The following ZZEF1 variants were observed in gnomAD, a reference collection of about 807,000 sequenced individuals.
ZZEF1 encodes the protein zinc finger ZZ-type and EF-hand domain-containing protein 1.
A neutral mutation model predicts 342.8 loss-of-function variants in ZZEF1; 157 were observed. The observed-to-expected ratio is 0.46, with a 90% CI of 0.40 to 0.52. The LOEUF (loss-of-function observed/expected upper bound fraction) is 0.52. Ranked by LOEUF, ZZEF1 falls within the 20% of genes least tolerant of loss-of-function variation. The pLI is 0.00. For synonymous variants in ZZEF1, 1,505 were observed against 1,429.1 expected, an observed-to-expected ratio of 1.05 and a Z score of -1.20; for missense variants, 3,480 against 3,725.6, an observed-to-expected ratio of 0.93 and a Z score of 1.72.
intron 52 of ZZEF1, 30 bp downstream of exon 52, chr17:4,013,419 C>A: frequency 6.5e-7 from 1 of 1,549,556 alleles, no homozygotes; most frequent in Admixed American, 1.9e-5. Context: ...ATATGCCTGG[C>A]AAAGGGCTGC....
chr17:4,087,888 G>A (rs2145368028), intron 13 of ZZEF1, among the ~76,000 whole-genome samples: 1 of 151,394 alleles, frequency 6.6e-6, no homozygotes, highest in East Asian at 1.9e-4. Context: ...GATGATCACT[G>A]TCCAGGACTG....
chr17:4,015,411 A>G (rs2056073131), intron 49 of ZZEF1, among the ~76,000 whole-genome samples: 1 of 152,192 alleles, frequency 6.6e-6, no homozygotes, highest in Admixed American at 6.5e-5. Flanking sequence ...GGTGCCTTCC[A>G]CTCAGAAGTA....
At chr17:4,056,845 T>A (rs989122915) in intron 32 of ZZEF1, 2 of 152,126 alleles carry the variant, frequency 1.3e-5, no homozygotes, top group Non-Finnish European at 2.9e-5. Flanking sequence ...TCAGACGAGA[T>A]CAGGTGCATT....
intron 34 of ZZEF1, among the ~76,000 whole-genome samples, chr17:4,053,732 T>C (rs1485648350): frequency 1.3e-5 from 2 of 152,254 alleles, no homozygotes; most frequent in African/African-American, 4.8e-5. Context: ...TGTGTGCGTG[T>C]GTATTTTGCT....
rs150732145 is a variant in ZZEF1 at position 4,064,503 on chromosome 17, G to A, written c.4576C>T (p.Pro1526Ser). The A allele has an allele frequency of 1.5e-4, 245 of 1,614,086 alleles. 2 individuals carry two copies. The highest frequency in any genetic ancestry group is 2.5e-5 in the Non-Finnish European group (30 of 1,180,052). ...PLSPSTPTRR[P>S]PFTRGRLRLL... ...CGGAGTCGCCCTCGGGTGAAGGGAG[G>A]CCGGCGGGTGGGTGTGGAAGGTGAC... Residue 1526 changes from proline (P) to serine (S), a missense_variant, in exon 29 of 55, where the codon CCT becomes TCT. Physicochemically the swap from Pro to Ser is moderately conservative, Grantham distance 74. This residue lies in a region of ZZEF1 where 1,528 missense variants were observed against 1,624.1 expected (regional missense o/e 0.94). Transcript: ENST00000381638.
Position 4,140,828 on chromosome 17 carries a change from A to T in ZZEF1, c.354+1714T>A, listed in dbSNP as rs78101661. ...TCCCACTACTACTTCATATTCTCAT[A>T]ATACGCGTAGATACTAGAAAGAAGG... On this transcript the variant is annotated intron_variant, in intron 1 of 54. Transcript: ENST00000381638. Among the ~76,000 whole-genome samples the T allele has an allele frequency of 8.0e-3, 1,218 of 152,228 alleles. 14 individuals carry two copies. Among genetic ancestry groups the T allele is most frequent in the African/African-American group, 0.028 (1,161 of 41,526 alleles).
intron 36 of ZZEF1, among the ~76,000 whole-genome samples, chr17:4,050,201 G>A (rs948732575): frequency 2.3e-4 from 35 of 152,184 alleles, no homozygotes; most frequent in Non-Finnish European, 4.3e-4. Flanking sequence ...TGGCAAACTG[G>A]TATGGGAACT....
intron 21 of ZZEF1, chr17:4,076,424 C>A: frequency 2.1e-6 from 1 of 469,804 alleles, no homozygotes; most frequent in Non-Finnish European, 3.6e-6. Flanking sequence ...TGAGCCACTG[C>A]GCCCGGCCTC....
In ZZEF1 at chr17:4,064,653, G is replaced by A; in HGVS notation, c.4426C>T (p.Pro1476Ser). The A allele has an allele frequency of 6.2e-7, 1 of 1,614,204 alleles. No homozygotes were observed. The highest frequency in any genetic ancestry group is 8.5e-7 in the Non-Finnish European group (1 of 1,180,026). The change falls in exon 29 of 55, where the codon CCC becomes TCC. Residue 1476 changes from proline (P) to serine (S), a missense_variant. Pro to Ser is a moderately conservative substitution (Grantham distance 74, BLOSUM62 -1). Around this residue, in one of 5 missense-constraint regions of ZZEF1, gnomAD observed 1,528 missense variants for 1,624.1 expected, o/e 0.94. Transcript: ENST00000381638. The part of the protein sequence containing the change: ...VEEHFQASVS[P>S]TEAAPPATGD... ...GTGGCAGGGGGTGCGGCTTCAGTGG[G>A]AGATACTGAGGCTTGGAAATGCTCT... is the stretch of plus-strand genomic sequence containing the variant.
At chr17:4,076,474 G>T in intron 21 of ZZEF1, 163 bp downstream of exon 21, 3 of 889,362 alleles carry the variant, frequency 3.4e-6, no homozygotes, top group Non-Finnish European at 3.3e-6. Flanking sequence ...ACATCGACTT[G>T]GACTGACATT....
At chr17:4,125,893 T>G (rs1231087221) in intron 1 of ZZEF1, among the ~76,000 whole-genome samples, 1 of 152,136 alleles carries the variant, frequency 6.6e-6, no homozygotes, top group Non-Finnish European at 1.5e-5. Flanking sequence ...AGGGAAATGC[T>G]CATGATAAAA....
rs1262987144 is a variant in ZZEF1, at chr17:4,006,376, G to A, written c.*514C>T. 4.6e-6 allele frequency: 1 copy of A among 216,290 alleles called. No homozygotes were observed. The highest frequency in any genetic ancestry group is 9.4e-6 in the Non-Finnish European group (1 of 106,692). 13.4% of individuals were successfully genotyped at this position (216,290 alleles called of 1,614,324 possible). On this transcript the variant is annotated 3_prime_UTR_variant, in exon 55 of 55. Coordinates refer to ENST00000381638, the MANE Select transcript of ZZEF1 (RefSeq NM_015113.4). The stretch of plus-strand genomic sequence containing the variant: ...TGCCTGGTTCTGTACTGGATGCTTG[G>A]GGATCACTGGTGGCTAGGAGGGGCT...
intron 40 of ZZEF1, 152 bp from the exon 41 acceptor site, chr17:4,033,154 G>T (rs1417473662): frequency 4.3e-6 from 3 of 705,756 alleles, no homozygotes; most frequent in African/African-American, 3.6e-5. Flanking sequence ...TCGTATAATG[G>T]TGAGTAAAAG....
chr17:4,013,675 TTAAA>T (rs935310615), intron 51 of ZZEF1, 61 bp from the exon 52 acceptor site: 100 of 1,452,708 alleles, frequency 6.9e-5, no homozygotes, highest in Middle Eastern at 1.8e-4. Flanking sequence ...AATATTATTA[TTAAA>T]TAAAGTATAA....
intron 21 of ZZEF1, 111 bp downstream of exon 21, chr17:4,076,526 T>C: frequency 7.2e-7 from 1 of 1,395,582 alleles, no homozygotes. Context: ...AAGGGAGCCT[T>C]CTAGAGGCTG....
At chr17:4,109,532 G>C in intron 6 of ZZEF1, 121 bp downstream of exon 6, 1 of 1,021,830 alleles carries the variant, frequency 9.8e-7, no homozygotes, top group South Asian at 1.5e-5. Context: ...TAGGGCACCT[G>C]AGGCCGAGCT....
At chr17:4,108,464 G>GA (rs1227189773) in intron 6 of ZZEF1, among the ~76,000 whole-genome samples, 1 of 152,224 alleles carries the variant, frequency 6.6e-6, no homozygotes, top group Non-Finnish European at 1.5e-5. Flanking sequence ...CAGAATGAAG[G>GA]AAACTAAAGA....
chr17:4,050,883 C>T lies in ZZEF1; in HGVS notation c.5761G>A (p.Gly1921Arg), dbSNP rs1425198676. 2.5e-6 allele frequency: 4 copies of T among 1,614,228 alleles called. No homozygotes were observed. The highest frequency in any genetic ancestry group is 3.4e-6 in the Non-Finnish European group (4 of 1,180,050). The change falls in exon 36 of 55, where the codon GGG (glycine) becomes AGG (arginine). Residue 1921 changes from glycine to arginine, a missense_variant. By Grantham distance (125) the Gly-to-Arg change is moderately radical (BLOSUM62 -2). Transcript: ENST00000381638. ...AHLASAEDVD[G>R]EKLDPQTRSS... ...CGCGTCTGGGGGTCCAGCTTCTCCC[C>T]ATCCACATCCTCTGCACTGGCCAGG...
intron 2 of ZZEF1, among the ~76,000 whole-genome samples, chr17:4,119,259 A>T (rs1418438640): frequency 6.6e-6 from 1 of 152,208 alleles, no homozygotes; most frequent in African/African-American, 2.4e-5. Flanking sequence ...TCCAATATTC[A>T]TCCGTCTTCT....
Sources: allele counts gnomAD v4.1 joint callset (sites outside exome capture counted in the v4.1 genomes callset), GRCh38; gene constraint gnomAD v4.1.1; regional missense constraint gnomAD v4.1.1; transcripts MANE v1.5; gene names NCBI Gene and HGNC (gene_info 2026-07-23, HGNC 2026-07-21).